Variants in MIPOL1 observed in about 807,000 individuals in gnomAD.
MIPOL1 encodes mirror-image polydactyly gene 1 protein.
A neutral mutation model predicts 60.9 loss-of-function variants in MIPOL1; 57 were observed. That is an observed-to-expected ratio of 0.94 (90% CI 0.76 to 1.17). The LOEUF (loss-of-function observed/expected upper bound fraction) is 1.17. Ranked by LOEUF, MIPOL1 falls within the 50% of genes most tolerant of loss-of-function variation. MIPOL1 has a pLI of 0.00. For missense variants in MIPOL1, 551 were observed against 511.6 expected, an observed-to-expected ratio of 1.08 and a Z score of -0.74; for synonymous variants, 179 against 168.8, an observed-to-expected ratio of 1.06 and a Z score of -0.47.
At chr14:37,199,486 G>T (rs986673534) in intron 1 of MIPOL1, among the ~76,000 whole-genome samples, 1 of 151,970 alleles carries the variant, frequency 6.6e-6, no homozygotes, top group African/African-American at 2.4e-5. Context: ...CTGCTATAAA[G>T]ATTTTTAGAA....
intron 1 of MIPOL1, among the ~76,000 whole-genome samples, chr14:37,214,387 A>G (rs534320078): frequency 1.3e-5 from 2 of 152,268 alleles, no homozygotes; most frequent in South Asian, 2.1e-4. Context: ...TGTTAATGAG[A>G]ATAGTGTTGT....
At chr14:37,444,541 A>T (rs1181540765) in intron 11 of MIPOL1, among the ~76,000 whole-genome samples, 1 of 152,354 alleles carries the variant, frequency 6.6e-6, no homozygotes. Context: ...AAATTTATAT[A>T]AAAATGCAAA....
chr14:37,375,385 AT>A (rs1303326476), intron 10 of MIPOL1, among the ~76,000 whole-genome samples: 1 of 151,728 alleles, frequency 6.6e-6, no homozygotes, highest in Non-Finnish European at 1.5e-5. Flanking sequence ...TTTTTTTATT[AT>A]TTGTAGAGAC....
chr14:37,353,744 G>A (rs1487404788), intron 9 of MIPOL1, among the ~76,000 whole-genome samples: 5 of 152,150 alleles, frequency 3.3e-5, no homozygotes, highest in African/African-American at 1.2e-4. Flanking sequence ...TGTGGGATCA[G>A]TGGTGATATC....
intron 11 of MIPOL1, among the ~76,000 whole-genome samples, chr14:37,455,136 G>C (rs1243700879): frequency 2.0e-5 from 3 of 152,094 alleles, no homozygotes; most frequent in Non-Finnish European, 4.4e-5. Context: ...ACCCAATTCA[G>C]AATGTATAAA....
intron 10 of MIPOL1, among the ~76,000 whole-genome samples, chr14:37,395,278 T>C (rs908413380): frequency 1.3e-5 from 2 of 152,206 alleles, no homozygotes; most frequent in Non-Finnish European, 2.9e-5. Context: ...TTTCTAATTC[T>C]GTGAAGAATG....
chr14:37,253,367 G>T (rs1343013320), intron 3 of MIPOL1, among the ~76,000 whole-genome samples: 2 of 151,630 alleles, frequency 1.3e-5, no homozygotes, highest in Non-Finnish European at 3.0e-5. Flanking sequence ...ATCTATTTAG[G>T]ACCATTGCGA....
chr14:37,496,555 C>T (rs1379866939), intron 11 of MIPOL1, among the ~76,000 whole-genome samples: 1 of 145,334 alleles, frequency 6.9e-6, no homozygotes, highest in African/African-American at 2.6e-5. Flanking sequence ...TTCACAATTG[C>T]TTCAAAGAGA....
intron 10 of MIPOL1, among the ~76,000 whole-genome samples, chr14:37,394,497 C>G (rs1007596906): frequency 1.8e-4 from 28 of 151,924 alleles, no homozygotes; most frequent in African/African-American, 6.3e-4. Flanking sequence ...TTTTGATTTG[C>G]ATTTCCTTGA....
intron 9 of MIPOL1, among the ~76,000 whole-genome samples, chr14:37,316,849 G>C (rs2087962230): frequency 6.6e-6 from 1 of 151,946 alleles, no homozygotes; most frequent in African/African-American, 2.4e-5. Context: ...GCAGTGGCAG[G>C]CACCTATAAT....
At position 37,421,439 on chromosome 14, in the gene MIPOL1, G is replaced by A. The variant is rs190511347; in HGVS notation, c.937-1416G>A. Among the ~76,000 whole-genome samples the A allele has an allele frequency of 2.0e-5, 3 of 152,152 alleles. No individual in the cohort carries two copies. The East Asian group carries it at 5.8e-4, about 29-fold the overall frequency. ...TTTTTGACCTGCCATTAGTCACAGT[G>A]GGTATCTGTGTCTTCTAAGTTACCA... is the stretch of plus-strand genomic sequence containing the variant. On this transcript the variant is annotated intron_variant, in intron 10 of 12. Coordinates refer to ENST00000684589, the MANE Select transcript of MIPOL1 (RefSeq NM_001388067.1).
At chr14:37,392,801 C>A (rs1383007625) in intron 10 of MIPOL1, among the ~76,000 whole-genome samples, 3 of 152,008 alleles carry the variant, frequency 2.0e-5, no homozygotes, top group African/African-American at 7.2e-5. Context: ...CTTATGAAAT[C>A]AAAAATAGAT....
intron 10 of MIPOL1, among the ~76,000 whole-genome samples, chr14:37,416,497 A>C (rs2093771796): frequency 6.6e-6 from 1 of 152,184 alleles, no homozygotes; most frequent in South Asian, 2.1e-4. Context: ...CAACATGTTC[A>C]GCTGTGACAC....
intron 11 of MIPOL1, among the ~76,000 whole-genome samples, chr14:37,498,710 T>C (rs921144011): frequency 1.3e-5 from 2 of 152,160 alleles, no homozygotes; most frequent in Non-Finnish European, 2.9e-5. Flanking sequence ...TTAGTAACAG[T>C]CCGTATTCTT....
chr14:37,309,396 C>T (rs1205999336), intron 9 of MIPOL1, among the ~76,000 whole-genome samples: 3 of 152,094 alleles, frequency 2.0e-5, no homozygotes, highest in African/African-American at 7.2e-5. Flanking sequence ...TATGTCACTT[C>T]TCTTGTTTTG....
intron 12 of MIPOL1, among the ~76,000 whole-genome samples, chr14:37,524,156 G>A (rs1023868534): frequency 3.9e-5 from 6 of 152,084 alleles, no homozygotes; most frequent in African/African-American, 9.7e-5. Flanking sequence ...ATTTCAATCC[G>A]GGATATATTC....
intron 6 of MIPOL1, chr14:37,277,629 T>C (rs2153400498): frequency 6.6e-6 from 1 of 151,460 alleles, no homozygotes; most frequent in South Asian, 2.1e-4. Flanking sequence ...TTGCATAATT[T>C]TCAAATTAAT....
chr14:37,331,092 G>T (rs569431511), intron 9 of MIPOL1, among the ~76,000 whole-genome samples: 1 of 152,004 alleles, frequency 6.6e-6, no homozygotes, highest in African/African-American at 2.4e-5. Context: ...GGTTCCATAT[G>T]TATCTGTTTT....
intron 11 of MIPOL1, among the ~76,000 whole-genome samples, chr14:37,467,793 G>C (rs2094619653): frequency 6.6e-6 from 1 of 152,092 alleles, no homozygotes; most frequent in African/African-American, 2.4e-5. Flanking sequence ...GGTGGCTCAT[G>C]CCTATAATCC....
Sources: allele counts gnomAD v4.1 joint callset (sites outside exome capture counted in the v4.1 genomes callset), GRCh38; gene constraint gnomAD v4.1.1; transcripts MANE v1.5; gene names NCBI Gene and HGNC (gene_info 2026-07-23, HGNC 2026-07-21).